PRKCE: variants seen among roughly 807,000 people sequenced by gnomAD.
PRKCE encodes protein kinase C epsilon.
In PRKCE, 16 loss-of-function variants were observed where a neutral mutation model predicts 85.4. The ratio of observed to expected loss-of-function variants is 0.19; its 90% CI spans 0.13 to 0.28. The LOEUF (loss-of-function observed/expected upper bound fraction) is 0.28, where lower values mean the gene tolerates loss of function less well. Among genes scored for constraint, PRKCE ranks in the 10% least tolerant of loss-of-function variants. PRKCE has a pLI of 1.00. For synonymous variants in PRKCE, 388 were observed against 371.5 expected (o/e 1.04, Z -0.51); for missense variants, 573 against 975.2 (o/e 0.59, Z 5.49).
At chr2:46,087,182 A>T (rs1669733554) in intron 11 of PRKCE, among the ~76,000 whole-genome samples, 1 of 148,030 alleles carries the variant, frequency 6.8e-6, no homozygotes, top group African/African-American at 2.5e-5. Context: ...AATTGGGTAG[A>T]GGAGTAGCTG....
chr2:45,765,488 C>G (rs58080844), intron 1 of PRKCE, among the ~76,000 whole-genome samples: 34 of 152,328 alleles, frequency 2.2e-4, no homozygotes, highest in African/African-American at 7.9e-4. Context: ...TACTACCTCC[C>G]TGCAGGGCTG....
intron 2 of PRKCE, among the ~76,000 whole-genome samples, chr2:45,958,818 T>TATATATATATATATATATATA (rs1558885886): frequency 1.3e-4 from 1 of 7,610 alleles, no homozygotes; most frequent in Non-Finnish European, 2.3e-4. Context: ...ATATATATAT[T>TATATATATATATATATATATA]TTTTTTTTTT....
intron 1 of PRKCE, among the ~76,000 whole-genome samples, chr2:45,745,486 T>C (rs776387054): frequency 3.2e-4 from 48 of 152,274 alleles, no homozygotes; most frequent in Non-Finnish European, 5.4e-4. Flanking sequence ...GGAGACCTGA[T>C]CTCTACCTGG....
chr2:45,944,619 G>T (rs939148687), intron 2 of PRKCE, among the ~76,000 whole-genome samples: 5 of 149,992 alleles, frequency 3.3e-5, no homozygotes, highest in African/African-American at 1.2e-4. Flanking sequence ...CTCCCAAGTA[G>T]CCGGGACTAC....
rs940997074 is a variant in PRKCE, at chr2:46,004,788, A to T, written c.1063+150A>T. The T allele has an allele frequency of 1.5e-6, 1 of 664,480 alleles. No individual in the cohort carries two copies. Among genetic ancestry groups the T allele is most frequent in the Non-Finnish European group, 2.6e-6 (1 of 387,994 alleles). 41.2% of individuals were successfully genotyped at this position (664,480 alleles called of 1,614,324 possible). On this transcript the variant is annotated intron_variant, in intron 8 of 14. Transcript: ENST00000306156. The surrounding 1 kb of genome is among the most constrained non-coding windows in gnomAD (Gnocchi z 4.1). The stretch of plus-strand genomic sequence containing the variant: ...TCACACACCCGTTGCCTGTTGATTT[A>T]ACAGTTCTTTCATTCTCCAAGACCT...
At chr2:45,949,099 A>C (rs1234725125) in intron 2 of PRKCE, among the ~76,000 whole-genome samples, 1 of 152,202 alleles carries the variant, frequency 6.6e-6, no homozygotes, top group East Asian at 1.9e-4. Flanking sequence ...TAAGTGTGCA[A>C]ATCTCTCTAA....
intron 2 of PRKCE, among the ~76,000 whole-genome samples, chr2:45,880,971 G>A (rs539704663): frequency 7.2e-5 from 11 of 152,070 alleles, no homozygotes; most frequent in Admixed American, 2.0e-4. Flanking sequence ...GGCTAAAACG[G>A]TGAAACCCCG....
chr2:46,106,472 A>T (rs1283846441), intron 11 of PRKCE, among the ~76,000 whole-genome samples: 1 of 152,236 alleles, frequency 6.6e-6, no homozygotes, highest in Non-Finnish European at 1.5e-5. Context: ...GCCATAACAA[A>T]ATACCACAAA....
intron 2 of PRKCE, among the ~76,000 whole-genome samples, chr2:45,877,608 G>A (rs558551767): frequency 6.6e-6 from 1 of 152,116 alleles, no homozygotes; most frequent in African/African-American, 2.4e-5. Flanking sequence ...AATATTCTAG[G>A]TCACTATGTT....
chr2:45,800,902 C>G (rs951836479), intron 1 of PRKCE, among the ~76,000 whole-genome samples: 3 of 152,120 alleles, frequency 2.0e-5, no homozygotes, highest in African/African-American at 7.2e-5. Flanking sequence ...ATAATCCACT[C>G]TATGAGAGAG....
intron 3 of PRKCE, 122 bp downstream of exon 3, chr2:45,976,710 T>A: frequency 8.5e-7 from 1 of 1,182,330 alleles, no homozygotes; most frequent in Non-Finnish European, 1.2e-6. Context: ...CTTCCTTATC[T>A]GAATGCAGGG....
At chr2:45,979,775 C>T (rs998948009) in intron 4 of PRKCE, among the ~76,000 whole-genome samples, 1 of 152,124 alleles carries the variant, frequency 6.6e-6, no homozygotes, top group African/African-American at 2.4e-5. Flanking sequence ...ACACTAACAA[C>T]ACAGATATAG....
chr2:45,994,179 TAA>T (rs1038907078), intron 6 of PRKCE, among the ~76,000 whole-genome samples: 5 of 152,196 alleles, frequency 3.3e-5, no homozygotes, highest in African/African-American at 4.8e-5. Context: ...GTCAAAGGTA[TAA>T]AGATTTTCCA....
chr2:46,183,961 C>G (rs964739356), intron 14 of PRKCE, among the ~76,000 whole-genome samples: 1 of 152,170 alleles, frequency 6.6e-6, no homozygotes, highest in African/African-American at 2.4e-5. Context: ...ACCCCACCCC[C>G]CAAGAACCAT....
At chr2:46,026,817 C>G (rs1707146778) in intron 10 of PRKCE, among the ~76,000 whole-genome samples, 1 of 152,106 alleles carries the variant, frequency 6.6e-6, no homozygotes, top group African/African-American at 2.4e-5. Flanking sequence ...TAGCATATTT[C>G]CATTTCTATA....
intron 14 of PRKCE, among the ~76,000 whole-genome samples, chr2:46,176,849 A>G (rs1679477331): frequency 6.6e-6 from 1 of 152,260 alleles, no homozygotes; most frequent in African/African-American, 2.4e-5. Flanking sequence ...GATAGGAGGC[A>G]TGCCAATCAA....
intron 2 of PRKCE, among the ~76,000 whole-genome samples, chr2:45,884,993 A>ATTTTTT (rs1294443991): frequency 1.5e-5 from 1 of 68,576 alleles, no homozygotes; most frequent in South Asian, 6.0e-4. Context: ...ATATATATAT[A>ATTTTTT]TATATATATT....
chr2:46,073,252 T>C (rs888756522), intron 10 of PRKCE, among the ~76,000 whole-genome samples: 6 of 152,180 alleles, frequency 3.9e-5, no homozygotes, highest in Admixed American at 3.9e-4. Flanking sequence ...GCACAGAGGA[T>C]TGGAGTTACT....
At chr2:46,009,704 C>T (rs1175448690) in intron 9 of PRKCE, among the ~76,000 whole-genome samples, 2 of 152,134 alleles carry the variant, frequency 1.3e-5, no homozygotes, top group Non-Finnish European at 2.9e-5. Flanking sequence ...CAAAAATACT[C>T]AATGCAACTT....
Sources: allele counts gnomAD v4.1 joint callset (sites outside exome capture counted in the v4.1 genomes callset), GRCh38; gene constraint gnomAD v4.1.1; non-coding constraint Gnocchi (gnomAD v3.1); transcripts MANE v1.5; gene names NCBI Gene and HGNC (gene_info 2026-07-23, HGNC 2026-07-21).